RBFOX1: variants seen among roughly 807,000 people sequenced by gnomAD.
The protein encoded by RBFOX1 is RNA binding fox-1 homolog 1.
A neutral mutation model predicts 57.7 loss-of-function variants in RBFOX1; 8 were observed. The ratio of observed to expected loss-of-function variants is 0.14; its 90% CI spans 0.08 to 0.25. The LOEUF is 0.25. Among genes scored for constraint, RBFOX1 ranks in the 10% least tolerant of loss-of-function variants. The pLI, the probability that RBFOX1 is intolerant of heterozygous loss-of-function variation, is 1.00. For synonymous variants in RBFOX1, 326 were observed against 222.4 expected (o/e 1.47, Z -4.15); for missense variants, 611 against 548.5 (o/e 1.11, Z -1.14).
At chr16:7,506,407 T>C (rs1158603994) in intron 4 of RBFOX1, among the ~76,000 whole-genome samples, 1 of 152,038 alleles carries the variant, frequency 6.6e-6, no homozygotes, top group Non-Finnish European at 1.5e-5. Context: ...AAGATAAAAA[T>C]ATGCGGTGTG....
Position 5,938,019 on chromosome 16 carries a change from G to C in RBFOX1, c.351+70684G>C, listed in dbSNP as rs529529481. Among the ~76,000 whole-genome samples, 122 of 152,192 alleles carry C rather than the reference G, an allele frequency of 8.0e-4. 2 individuals carry two copies. In the South Asian group the frequency reaches 0.025, roughly 31 times the overall value. On this transcript the variant is annotated intron_variant, in intron 4 of 19. Coordinates refer to the RBFOX1 transcript ENST00000641259. The stretch of plus-strand genomic sequence containing the variant: ...AATCACATTTAATTTTTGGGTATCT[G>C]TTTTTAATCCATCAGGATAATTTCA...
intron 1 of RBFOX1, among the ~76,000 whole-genome samples, chr16:5,370,468 T>TTTG (rs891192592): frequency 6.6e-6 from 1 of 151,382 alleles, no homozygotes; most frequent in Non-Finnish European, 1.5e-5. Context: ...TCCTCTTTTT[T>TTTG]TTTTTTTTGG....
chr16:7,138,862 G>A (rs1367977501), intron 4 of RBFOX1, among the ~76,000 whole-genome samples: 1 of 152,170 alleles, frequency 6.6e-6, no homozygotes, highest in East Asian at 1.9e-4. Context: ...AGCCTGGAGT[G>A]CAATGGTGTG....
Position 5,946,173 on chromosome 16 carries a change from A to G in RBFOX1, c.351+78838A>G, listed in dbSNP as rs1379133016. Among the ~76,000 whole-genome samples, 1 of 152,228 alleles carries G rather than the reference A, an allele frequency of 6.6e-6. No homozygotes were observed. The highest frequency in any genetic ancestry group is 1.9e-4 in the East Asian group (1 of 5,202). The stretch of plus-strand genomic sequence containing the variant: ...CCTAACATGGCAGGATGTGATGGAA[A>G]GTGCACAGACGGCCCGAGGTGGGGG... On this transcript the variant is annotated intron_variant, in intron 4 of 19. Transcript: ENST00000641259. This position sits in a 1 kb window ranked among gnomAD's most constrained non-coding sequence, Gnocchi z 4.6.
intron 4 of RBFOX1, among the ~76,000 whole-genome samples, chr16:7,098,616 T>A (rs1043858896): frequency 6.6e-6 from 1 of 152,092 alleles, no homozygotes; most frequent in Admixed American, 6.6e-5. Flanking sequence ...AGGAAATTCA[T>A]TGGTTTCTTA....
chr16:5,343,663 C>T (rs769860141), intron 1 of RBFOX1, among the ~76,000 whole-genome samples: 1 of 152,062 alleles, frequency 6.6e-6, no homozygotes, highest in Non-Finnish European at 1.5e-5. Flanking sequence ...CAGAAGAATC[C>T]CTCTGATACG....
intron 3 of RBFOX1, among the ~76,000 whole-genome samples, chr16:6,997,956 C>T (rs752862664): frequency 3.3e-5 from 5 of 151,702 alleles, no homozygotes; most frequent in Non-Finnish European, 7.4e-5. Context: ...TATTATATTT[C>T]GTAATCATTT....
chr16:5,583,054 C>T (rs1390928355), intron 2 of RBFOX1, among the ~76,000 whole-genome samples: 2 of 152,178 alleles, frequency 1.3e-5, no homozygotes, highest in African/African-American at 4.8e-5. Flanking sequence ...AGGTAACATG[C>T]CCAAGTTCAC....
intron 1 of RBFOX1, among the ~76,000 whole-genome samples, chr16:6,188,237 G>C (rs1009194630): frequency 1.3e-5 from 2 of 151,924 alleles, no homozygotes; most frequent in Admixed American, 1.3e-4. Flanking sequence ...AATAGTTTAC[G>C]TCTACCCACA....
intron 2 of RBFOX1, among the ~76,000 whole-genome samples, chr16:6,515,862 C>G (rs1230557946): frequency 2.0e-5 from 3 of 152,146 alleles, no homozygotes; most frequent in African/African-American, 7.2e-5. Flanking sequence ...TCACTCTATC[C>G]TTTAACACCT....
chr16:5,587,497 G>T (rs1038900447), intron 2 of RBFOX1, among the ~76,000 whole-genome samples: 7 of 152,212 alleles, frequency 4.6e-5, no homozygotes, highest in Admixed American at 4.6e-4. Context: ...TGCATCACCT[G>T]AGGTCAGGAG....
intron 4 of RBFOX1, among the ~76,000 whole-genome samples, chr16:7,487,444 A>G (rs540088733): frequency 3.3e-5 from 5 of 152,318 alleles, no homozygotes; most frequent in African/African-American, 1.2e-4. Context: ...TCATCTTGTT[A>G]TATGCCCAGC....
At chr16:6,994,359 T>C (rs954163070) in intron 3 of RBFOX1, among the ~76,000 whole-genome samples, 1 of 152,176 alleles carries the variant, frequency 6.6e-6, no homozygotes, top group Admixed American at 6.5e-5. Flanking sequence ...GTCCCAGGTG[T>C]TGATAACAAA....
chr16:6,548,115 A>T (rs2096921150), intron 2 of RBFOX1, among the ~76,000 whole-genome samples: 1 of 152,224 alleles, frequency 6.6e-6, no homozygotes, highest in Non-Finnish European at 1.5e-5. Context: ...TCACATACTG[A>T]AGGCTGGTTT....
chr16:7,127,555 G>T (rs569418808), intron 4 of RBFOX1, among the ~76,000 whole-genome samples: 1 of 152,140 alleles, frequency 6.6e-6, no homozygotes, highest in African/African-American at 2.4e-5. Context: ...GTGTATGCAC[G>T]AGCGTGCATG....
At chr16:6,926,112 C>T (rs183101793) in intron 3 of RBFOX1, among the ~76,000 whole-genome samples, 17 of 152,016 alleles carry the variant, frequency 1.1e-4, no homozygotes, top group Admixed American at 9.8e-4. Flanking sequence ...TCAAGACCAG[C>T]CTGGCCAACA....
intron 4 of RBFOX1, among the ~76,000 whole-genome samples, chr16:7,340,963 T>C (rs1453837968): frequency 6.6e-6 from 1 of 152,210 alleles, no homozygotes; most frequent in East Asian, 1.9e-4. Context: ...CAGGGAGGGT[T>C]GGAAGACCTA....
chr16:5,406,572 T>C lies in RBFOX1; in HGVS notation c.220-60644T>C, dbSNP rs116423081. Among the ~76,000 whole-genome samples the C allele has an allele frequency of 8.4e-3, 1,280 of 152,002 alleles. 21 individuals carry two copies. Among genetic ancestry groups the C allele is most frequent in the African/African-American group, 0.029 (1,215 of 41,482 alleles). On this transcript the variant is annotated intron_variant, in intron 1 of 2. Coordinates refer to the RBFOX1 transcript ENST00000585867. The stretch of plus-strand genomic sequence containing the variant: ...TCCCTCTCTCTGTGTTTCTCTCTCT[T>C]TATTTCTCTCTCTCTCTCTATATAT...
chr16:6,545,377 C>A (rs1463798794), intron 2 of RBFOX1, among the ~76,000 whole-genome samples: 4 of 152,180 alleles, frequency 2.6e-5, no homozygotes. Flanking sequence ...TGGCCTCTTG[C>A]CTTTCTCTCC....
Sources: gnomAD v4.1 joint callset for allele counts (sites outside exome capture counted in the v4.1 genomes callset) on GRCh38, gnomAD v4.1.1 for gene constraint, Gnocchi (gnomAD v3.1) non-coding constraint, MANE v1.5 for transcripts, NCBI Gene and HGNC (gene_info 2026-07-23, HGNC 2026-07-21) for gene names.